The following ATR variants were observed in gnomAD, a reference collection of about 807,000 sequenced individuals.
ATR encodes the protein serine/threonine-protein kinase ATR.
A neutral mutation model predicts 305.3 loss-of-function variants in ATR; 142 were observed. The observed-to-expected ratio is 0.47, with a 90% CI of 0.41 to 0.53. ATR has a LOEUF of 0.53. Ranked by LOEUF, ATR falls within the 20% of genes least tolerant of loss-of-function variation. The pLI, the probability that ATR is intolerant of heterozygous loss-of-function variation, is 0.00. For missense variants in ATR, 2,135 were observed against 3,133.1 expected, an observed-to-expected ratio of 0.68 and a Z score of 7.60; for synonymous variants, 1,050 against 1,068.1, an observed-to-expected ratio of 0.98 and a Z score of 0.33.
At chr3:142,540,809 T>G in intron 18 of ATR, 95 bp downstream of exon 18, 1 of 1,408,762 alleles carries the variant, frequency 7.1e-7, no homozygotes, top group Non-Finnish European at 9.7e-7. Flanking sequence ...ATTTATTATT[T>G]GAACCCAATT....
rs1226399097 is a variant in ATR at position 142,449,245 on chromosome 3, A to G, written c.*184T>C. 18 of 593,454 alleles carry G rather than the reference A, an allele frequency of 3.0e-5. No homozygotes were observed. Among genetic ancestry groups the G allele is most frequent in the Non-Finnish European group, 5.0e-5 (17 of 341,228 alleles). 36.8% of individuals were successfully genotyped at this position (593,454 alleles called of 1,614,324 possible). On this transcript the variant is annotated 3_prime_UTR_variant, in exon 47 of 47. Transcript: ENST00000350721. ...TTATAATGCACAGTATGTATTAAGAAAGCAGTTTATTTCTTAATAACTGAA... is the reference window on the plus strand; with the variant it reads ...TTATAATGCACAGTATGTATTAAGAGAGCAGTTTATTTCTTAATAACTGAA...
At chr3:142,527,675 C>T (rs965177634) in intron 21 of ATR, among the ~76,000 whole-genome samples, 1 of 152,062 alleles carries the variant, frequency 6.6e-6, no homozygotes, top group Non-Finnish European at 1.5e-5. Context: ...TCTTCCTGTA[C>T]TATCTTTTCT....
chr3:142,514,493 G>A (rs1392763917), intron 25 of ATR, among the ~76,000 whole-genome samples: 1 of 151,728 alleles, frequency 6.6e-6, no homozygotes, highest in African/African-American at 2.4e-5. Context: ...AATTAGCCGG[G>A]CGTGGTGGTG....
At chr3:142,488,299 G>C (rs1170377003) in intron 35 of ATR, among the ~76,000 whole-genome samples, 4 of 152,146 alleles carry the variant, frequency 2.6e-5, no homozygotes, top group Non-Finnish European at 4.4e-5. Context: ...AGTTAGCAAC[G>C]ACTCTCTGTT....
intron 5 of ATR, 103 bp from the exon 6 acceptor site, chr3:142,560,557 C>CA (rs199632199): frequency 5.1e-6 from 6 of 1,179,114 alleles, no homozygotes; most frequent in African/African-American, 3.2e-5. Context: ...ATCAACTATT[C>CA]AAAAAAATTT....
At chr3:142,544,692 T>C (rs1452251085) in intron 16 of ATR, among the ~76,000 whole-genome samples, 1 of 150,048 alleles carries the variant, frequency 6.7e-6, no homozygotes, top group Non-Finnish European at 1.5e-5. Context: ...CATAAGAAAG[T>C]TGCACTGCTT....
At position 142,562,379 on chromosome 3, in the gene ATR, CA is replaced by C. The variant is rs1237076942; in HGVS notation, c.1022del (p.Leu341CysfsTer2). ...DGVLMRLKSDLLKAALCHLLQ... is the reference protein window; with the variant it reads ...DGVLMRLKSDXLKAALCHLLQ... The stretch of plus-strand genomic sequence containing the variant: ...GTAAATGGCACAAAGCTGCTTTTAG[CA>C]AATCAGACTTAAGCCGCATGAGCAC... On this transcript the variant is annotated frameshift_variant, in exon 4 of 47. Transcript: ENST00000350721. LOFTEE classifies it high-confidence loss of function. 1 of 1,613,984 alleles carries C rather than the reference CA, an allele frequency of 6.2e-7. No homozygotes were observed. Among genetic ancestry groups the C allele is most frequent in the Non-Finnish European group, 8.5e-7 (1 of 1,179,996 alleles).
intron 5 of ATR, among the ~76,000 whole-genome samples, chr3:142,560,771 A>C (rs1371446091): frequency 6.6e-6 from 1 of 152,164 alleles, no homozygotes; most frequent in Non-Finnish European, 1.5e-5. Context: ...CGTGTTAGCC[A>C]GGATGATCTC....
At chr3:142,452,834 C>A (rs1209911604) in intron 46 of ATR, 2 of 1,230,908 alleles carry the variant, frequency 1.6e-6, no homozygotes. Context: ...TCTGTAAGTT[C>A]AGGCAATTTG....
intron 45 of ATR, among the ~76,000 whole-genome samples, chr3:142,453,504 T>A (rs2070836872): frequency 6.6e-6 from 1 of 152,192 alleles, no homozygotes; most frequent in South Asian, 2.1e-4. Context: ...AAGTGTATAC[T>A]GTGAACTGGT....
At chr3:142,498,903 C>CA in intron 31 of ATR, 129 bp from the exon 32 acceptor site, 1 of 865,746 alleles carries the variant, frequency 1.2e-6, no homozygotes, top group Non-Finnish European at 1.8e-6. Flanking sequence ...TTTTTTGAGA[C>CA]AGAGTCTCAC....
Position 142,550,209 on chromosome 3 carries a change from G to A in ATR, c.2899C>T (p.Gln967Ter), listed in dbSNP as rs774799442. 6.2e-7 allele frequency: 1 copy of A among 1,614,112 alleles called. No homozygotes were observed. Among genetic ancestry groups the A allele is most frequent in the Non-Finnish European group, 8.5e-7 (1 of 1,179,990 alleles). ...ADVRKQDVAH[Q>*]REMALNTLSE... is the part of the protein sequence containing the mutation. ...AACGTATTTAAAGCCATTTCTCTCT[G>A]GTGAGCCACATCTTGTTTTCGCACG... The change falls in exon 14 of 47, where the codon CAG (glutamine) becomes TAG (stop). Residue 967 changes from glutamine (Q) to a stop codon, truncating the protein, a stop_gained. Coordinates refer to ENST00000350721, the MANE Select transcript of ATR (RefSeq NM_001184.4). LOFTEE classifies it high-confidence loss of function.
intron 46 of ATR, chr3:142,449,957 C>G (rs2070749512): frequency 2.9e-6 from 1 of 350,546 alleles, no homozygotes; most frequent in South Asian, 2.9e-5. Flanking sequence ...GCTGTACTGC[C>G]TAATATTTAC....
chr3:142,522,936 G>C lies in ATR; in HGVS notation c.4153-95C>G, dbSNP rs150281853. The C allele has an allele frequency of 7.6e-6, 7 of 925,806 alleles. No homozygotes were observed. In the Admixed American group the frequency reaches 1.3e-4, roughly 17 times the overall value. 57.3% of individuals were successfully genotyped at this position (925,806 alleles called of 1,614,324 possible). On this transcript the variant is annotated intron_variant, in intron 22 of 46. Transcript: ENST00000350721. ...TCCATGGTGAATTTAACTTAACTGCGTAAGTGAATTTAACTTAGACAAAGG... is the reference window on the plus strand; with the variant it reads ...TCCATGGTGAATTTAACTTAACTGCCTAAGTGAATTTAACTTAGACAAAGG...
In ATR at chr3:142,524,144, T is replaced by A; in HGVS notation, c.4001A>T (p.Gln1334Leu). The change falls in exon 22 of 47, where the codon CAG becomes CTG. Residue 1334 changes from glutamine (Q) to leucine (L), a missense_variant. By Grantham distance (113) the Gln-to-Leu change is moderately radical. Transcript: ENST00000350721. ...ACCTTTCAAAAGCACTGTCACCAACTGTGAGATAATAGGTTCTACTGTTTC... is the reference window on the plus strand; with the variant it reads ...ACCTTTCAAAAGCACTGTCACCAACAGTGAGATAATAGGTTCTACTGTTTC... ...DSETVEPIIS[Q>L]LVTVLLKGCQ... The A allele has an allele frequency of 6.2e-7, 1 of 1,614,106 alleles. No homozygotes were observed. Among genetic ancestry groups the A allele is most frequent in the Admixed American group, 1.7e-5 (1 of 60,030 alleles).
At chr3:142,495,652 G>A (rs562192360) in intron 34 of ATR, among the ~76,000 whole-genome samples, 8 of 152,140 alleles carry the variant, frequency 5.3e-5, no homozygotes, top group Non-Finnish European at 7.3e-5. Context: ...GCTGAGGCAG[G>A]AGAATCACTT....
At chr3:142,485,392 G>A in intron 35 of ATR, 110 bp from the exon 36 acceptor site, 1 of 1,321,972 alleles carries the variant, frequency 7.6e-7, no homozygotes, top group Non-Finnish European at 1.0e-6. Context: ...TATCTAGGCA[G>A]AGCAAAGTCA....
intron 1 of ATR, among the ~76,000 whole-genome samples, chr3:142,568,749 C>T (rs2035162301): frequency 1.3e-5 from 2 of 152,240 alleles, no homozygotes; most frequent in African/African-American, 2.4e-5. Context: ...CCTCTCCCCG[C>T]TCCCGGCACC....
intron 27 of ATR, among the ~76,000 whole-genome samples, 184 bp from the exon 28 acceptor site, chr3:142,508,293 T>C (rs548381911): frequency 6.6e-6 from 1 of 152,292 alleles, no homozygotes; most frequent in Non-Finnish European, 1.5e-5. Flanking sequence ...ACTCTGCCAT[T>C]ATAACTTACC....
Sources: gnomAD v4.1 joint callset for allele counts (sites outside exome capture counted in the v4.1 genomes callset) on GRCh38, gnomAD v4.1.1 for gene constraint, MANE v1.5 for transcripts, NCBI Gene and HGNC (gene_info 2026-07-23, HGNC 2026-07-21) for gene names.